The following DAPK1 variants were observed in gnomAD, a reference collection of about 807,000 sequenced individuals.
DAPK1 encodes the protein death associated protein kinase 1, also known as death-associated protein kinase 1.
DAPK1 carries 56 observed loss-of-function variants against 144.9 expected under a neutral mutation model. The observed-to-expected ratio is 0.39, with a 90% confidence interval of 0.31 to 0.48. The LOEUF is 0.48. DAPK1 is among the 20% of genes least tolerant of loss of function. The pLI, the probability that DAPK1 is intolerant of heterozygous loss-of-function variation, is 0.95. For synonymous variants in DAPK1, 690 were observed against 749.0 expected (o/e 0.92, Z 1.29); for missense variants, 1,454 against 1,875.4 (o/e 0.78, Z 4.15).
intron 3 of DAPK1, among the ~76,000 whole-genome samples, chr9:87,605,939 G>A (rs1828699918): frequency 6.6e-6 from 1 of 152,238 alleles, no homozygotes; most frequent in Admixed American, 6.5e-5. Flanking sequence ...CTGTCTCCGG[G>A]CTTTTGGGAT....
At position 87,707,578 on chromosome 9, in the gene DAPK1, A is replaced by G. The variant is rs1825688099; in HGVS notation, c.*214A>G. The G allele has an allele frequency of 1.7e-6, 1 of 584,468 alleles. No homozygotes were observed. The highest frequency in any genetic ancestry group is 3.0e-6 in the Non-Finnish European group (1 of 329,876). 36.2% of individuals were successfully genotyped at this position (584,468 alleles called of 1,614,324 possible). A position where few individuals can be genotyped will look rare whatever the true frequency, so the allele number is the denominator to read the frequency against. On this transcript the variant is annotated 3_prime_UTR_variant, in exon 26 of 26. Coordinates refer to ENST00000408954, the MANE Select transcript of DAPK1 (RefSeq NM_004938.4). The surrounding 1 kb of genome is among the most constrained non-coding windows in gnomAD (Gnocchi z 4.0). ...TGGATGGTCATTGCAGTTTAAGAGC[A>G]GAACAGATCTTTTACTTTGGCCGCT...
chr9:87,571,498 A>AACACACACACACACACACACACACACAC (rs768913480), intron 2 of DAPK1, among the ~76,000 whole-genome samples: 560 of 46,414 alleles, frequency 0.012, 64 homozygotes, highest in Middle Eastern at 0.037. Context: ...CACACACCCC[A>AACACACACACACACACACACACACACAC]ACACACACAC....
chr9:87,528,176 A>G lies in DAPK1; in HGVS notation c.62+29037A>G, dbSNP rs868314520. 2.0e-4 allele frequency among the ~76,000 whole-genome samples: 31 copies of G among 151,848 alleles called. 1 individual carries two copies. In the Middle Eastern group the frequency reaches 0.028, roughly 135 times the overall value. ...GCGTAAGCACCTTGATGTCTTATCC[A>G]TTTGGAAGCTTATTGTTACAGTGCG... On this transcript the variant is annotated intron_variant, in intron 2 of 25. Coordinates refer to ENST00000408954, the MANE Select transcript of DAPK1 (RefSeq NM_004938.4).
intron 22 of DAPK1, chr9:87,698,377 G>T (rs1825332660): frequency 3.1e-6 from 1 of 321,778 alleles, no homozygotes; most frequent in East Asian, 5.5e-5. Flanking sequence ...GTAAGTAGGG[G>T]CTATTTGGAG....
intron 19 of DAPK1, 95 bp from the exon 20 acceptor site, chr9:87,681,309 A>C: frequency 1.4e-6 from 1 of 728,620 alleles, no homozygotes; most frequent in Admixed American, 2.3e-5. Flanking sequence ...TATCTTCAGC[A>C]TGGGTAAAAA....
intron 19 of DAPK1, among the ~76,000 whole-genome samples, chr9:87,675,896 C>CACACACACACAT: frequency 7.1e-6 from 1 of 141,590 alleles, no homozygotes; most frequent in East Asian, 2.0e-4. Context: ...CACACACACA[C>CACACACACACAT]CCTTATGACC....
chr9:87,666,461 A>G (rs1429647571), intron 18 of DAPK1, among the ~76,000 whole-genome samples: 1 of 149,464 alleles, frequency 6.7e-6, no homozygotes, highest in Non-Finnish European at 1.5e-5. Flanking sequence ...TTATATATAT[A>G]TATGTTTTTG....
chr9:87,687,627 A>G (rs552237458), intron 21 of DAPK1, among the ~76,000 whole-genome samples: 13 of 152,286 alleles, frequency 8.5e-5, no homozygotes, highest in Non-Finnish European at 1.8e-4. Context: ...CCTTTGATAT[A>G]CTGATTTCCT....
intron 18 of DAPK1, among the ~76,000 whole-genome samples, chr9:87,664,018 AC>A (rs953300270): frequency 9.9e-5 from 15 of 151,556 alleles, no homozygotes; most frequent in Admixed American, 7.2e-4. Flanking sequence ...TCTCCTCCAG[AC>A]CAGTCGGACT....
intron 3 of DAPK1, among the ~76,000 whole-genome samples, chr9:87,621,907 A>G (rs533511713): frequency 2.2e-3 from 338 of 151,832 alleles, no homozygotes; most frequent in African/African-American, 7.9e-3. Flanking sequence ...CCACATCCAC[A>G]CTGGGCTCGG....
intron 2 of DAPK1, among the ~76,000 whole-genome samples, chr9:87,538,595 A>G (rs1239855719): frequency 6.6e-6 from 1 of 152,228 alleles, no homozygotes; most frequent in Non-Finnish European, 1.5e-5. Context: ...AAAAATTTGA[A>G]CAGTTCTTTT....
At chr9:87,683,190 C>G (rs541047086) in intron 20 of DAPK1, among the ~76,000 whole-genome samples, 4 of 151,204 alleles carry the variant, frequency 2.6e-5, no homozygotes, top group African/African-American at 9.7e-5. Flanking sequence ...TCAAGTGATT[C>G]TCCTGCCTCA....
intron 3 of DAPK1, among the ~76,000 whole-genome samples, chr9:87,627,536 T>C (rs1010657697): frequency 5.9e-5 from 9 of 151,878 alleles, no homozygotes; most frequent in Non-Finnish European, 1.0e-4. Context: ...CAGGAATGTC[T>C]AAACTCCACT....
chr9:87,639,259 CCT>C, intron 4 of DAPK1, 93 bp from the exon 5 acceptor site: 1 of 1,104,584 alleles, frequency 9.1e-7, no homozygotes, highest in Non-Finnish European at 1.3e-6. Context: ...TACTTTTTGG[CCT>C]TTTTTTTTTT....
intron 2 of DAPK1, among the ~76,000 whole-genome samples, chr9:87,515,047 A>C (rs1209620449): frequency 6.6e-6 from 1 of 152,248 alleles, no homozygotes; most frequent in East Asian, 1.9e-4. Context: ...CGAGTATCTC[A>C]TGAATAATGT....
chr9:87,605,191 G>A lies in DAPK1; in HGVS notation c.284+16G>A. The A allele has an allele frequency of 6.2e-7, 1 of 1,603,778 alleles. No homozygotes were observed. On this transcript the variant is annotated intron_variant, in intron 3 of 25. Transcript: ENST00000408954. ...TCTTGGAACTGTGAGTGCCGCCTGG[G>A]CCAGGCTGGGGAGAGGGTGTGGTGG...
chr9:87,543,835 T>C (rs533713385), intron 2 of DAPK1, among the ~76,000 whole-genome samples: 4 of 152,298 alleles, frequency 2.6e-5, no homozygotes, highest in African/African-American at 9.6e-5. Flanking sequence ...TGTAGTCTTG[T>C]GTGTTTGGAT....
chr9:87,554,631 C>T (rs1267565584), intron 2 of DAPK1, among the ~76,000 whole-genome samples: 1 of 152,134 alleles, frequency 6.6e-6, no homozygotes. Flanking sequence ...TCATGTAGAT[C>T]CCTCGGCAGT....
At chr9:87,657,993 G>A (rs1587818470) in intron 17 of DAPK1, 36 bp from the exon 18 acceptor site, 1 of 813,718 alleles carries the variant, frequency 1.2e-6, no homozygotes, top group South Asian at 1.4e-5. Context: ...AACTGCGTGA[G>A]AAGAACGACC....
Sources: allele counts gnomAD v4.1 joint callset (sites outside exome capture counted in the v4.1 genomes callset), GRCh38; gene constraint gnomAD v4.1.1; non-coding constraint Gnocchi (gnomAD v3.1); transcripts MANE v1.5; gene names NCBI Gene and HGNC (gene_info 2026-07-23, HGNC 2026-07-21).